LNPEP: variants seen among roughly 807,000 people sequenced by gnomAD.
LNPEP encodes the protein leucyl and cystinyl aminopeptidase, also known as leucyl-cystinyl aminopeptidase.
Under a neutral mutation model 120.6 loss-of-function variants are expected in LNPEP, and 64 were observed. The observed-to-expected ratio is 0.53, with a 90% CI of 0.43 to 0.65. LNPEP has a LOEUF of 0.65. Among genes scored for constraint, LNPEP ranks in the 30% least tolerant of loss-of-function variants. The probability of loss-of-function intolerance (pLI) is 0.00; values close to 1 mark genes in which losing one functional copy is unlikely to be tolerated. For missense variants in LNPEP, 1,057 were observed against 1,200.0 expected (o/e 0.88, Z 1.76); for synonymous variants, 435 against 425.4 (o/e 1.02, Z -0.28).
rs747620719 is a variant in LNPEP, at chr5:97,003,504, T to C, written c.1743T>C (p.Tyr581=). The change falls in exon 9 of 18, where the codon TAT becomes TAC. Residue 581 remains tyrosine (Y), a synonymous_variant. Transcript: ENST00000231368. ...TCCTTTACCTGCATAATCACAGCTA[T>C]GCATCTATTCAAAGTGATGATCTGT... The part of the protein sequence containing the change: ...AVVLYLHNHS[Y]ASIQSDDLWD... 6.8e-6 allele frequency: 11 copies of C among 1,608,864 alleles called. No individual in the cohort carries two copies. The highest frequency in any genetic ancestry group is 4.5e-5 in the East Asian group (2 of 44,774).
At chr5:96,938,984 CA>C (rs11342983) in intron 1 of LNPEP, among the ~76,000 whole-genome samples, 101,430 of 142,762 alleles carry the variant, frequency 0.71, 35,492 homozygotes, top group East Asian at 0.78. Context: ...TTGTATATTA[CA>C]AAAAAAAAAA....
intron 6 of LNPEP, among the ~76,000 whole-genome samples, chr5:96,995,146 G>A (rs186027401): frequency 3.8e-4 from 58 of 152,180 alleles, no homozygotes; most frequent in Non-Finnish European, 1.5e-5. Flanking sequence ...TCTTTTGGGG[G>A]ATCTCCTCTA....
chr5:97,008,755 C>T (rs1314894043), intron 11 of LNPEP, among the ~76,000 whole-genome samples: 1 of 151,006 alleles, frequency 6.6e-6, no homozygotes, highest in Admixed American at 6.6e-5. Flanking sequence ...AGCTCCGCCT[C>T]CCGGGTTCAC....
chr5:96,954,622 A>C (rs557074996), intron 1 of LNPEP, among the ~76,000 whole-genome samples: 7,533 of 76,392 alleles, frequency 0.099, 1,651 homozygotes, highest in Middle Eastern at 0.17. Flanking sequence ...CTCTCTCTAT[A>C]TATATATATA....
chr5:96,981,672 G>GA (rs1263940707), intron 2 of LNPEP, among the ~76,000 whole-genome samples: 1 of 152,128 alleles, frequency 6.6e-6, no homozygotes, highest in Non-Finnish European at 1.5e-5. Flanking sequence ...TTGTTGATTG[G>GA]AAAACCATTG....
At position 96,979,601 on chromosome 5, in the gene LNPEP, T is replaced by C; in HGVS notation, c.483T>C (p.Phe161=). 6.2e-7 allele frequency: 1 copy of C among 1,614,086 alleles called. No individual in the cohort carries two copies. The highest frequency in any genetic ancestry group is 2.2e-5 in the East Asian group (1 of 44,878). ...IQPFATNGKL[F]PWAQIRLPTA... The stretch of plus-strand genomic sequence containing the variant: ...CATTTGCAACAAATGGGAAATTGTT[T>C]CCATGGGCACAGATCAGGCTTCCCA... Residue 161 remains phenylalanine (F), a synonymous_variant, in exon 2 of 18, where the codon TTT becomes TTC. Coordinates refer to ENST00000231368, the MANE Select transcript of LNPEP (RefSeq NM_005575.3).
chr5:97,020,364 C>T (rs1467155240), intron 13 of LNPEP, among the ~76,000 whole-genome samples: 2 of 152,144 alleles, frequency 1.3e-5, no homozygotes, highest in African/African-American at 4.8e-5. Flanking sequence ...TACATGATTA[C>T]TTGAGATGAG....
Position 97,022,495 on chromosome 5 carries a change from C to A in LNPEP, c.2561+11C>A. 16 of 1,595,376 alleles carry A rather than the reference C, an allele frequency of 1.0e-5. No homozygotes were observed. The highest frequency in any genetic ancestry group is 1.3e-5 in the Non-Finnish European group (15 of 1,163,100). ...CAATGGAACTCAAAGGTGAAGTATA[C>A]CTCTACTCAGATGAATTATCTTCTT... On this transcript the variant is annotated intron_variant, in intron 14 of 17. Coordinates refer to ENST00000231368, the MANE Select transcript of LNPEP (RefSeq NM_005575.3).
chr5:96,946,901 T>G (rs560922266), intron 1 of LNPEP, among the ~76,000 whole-genome samples: 1 of 152,220 alleles, frequency 6.6e-6, no homozygotes, highest in African/African-American at 2.4e-5. Context: ...TCTGTATACA[T>G]TGAAGAGTTC....
Position 97,024,607 on chromosome 5 carries a change from C to G in LNPEP, c.2648C>G (p.Ser883Cys). 6.2e-7 allele frequency: 1 copy of G among 1,614,090 alleles called. No individual in the cohort carries two copies. The highest frequency in any genetic ancestry group is 8.5e-7 in the Non-Finnish European group (1 of 1,179,942). ...TCATTCCTTTTGGGCAAATACATTT[C>G]TATAGGCTCTGAAGCAGAGAAGAAC... ...GWSFLLGKYI[S>C]IGSEAEKNKI... The change falls in exon 15 of 18, where the codon TCT becomes TGT. Residue 883 changes from serine to cysteine, a missense_variant. Coordinates refer to ENST00000231368, the MANE Select transcript of LNPEP (RefSeq NM_005575.3).
chr5:97,005,984 G>T, intron 9 of LNPEP, 89 bp from the exon 10 acceptor site: 1 of 302,950 alleles, frequency 3.3e-6, no homozygotes, highest in Non-Finnish European at 5.8e-6. Context: ...AAAGAGGGAA[G>T]GGTACAGATA....
chr5:96,990,724 C>A (rs1170764130), intron 4 of LNPEP, among the ~76,000 whole-genome samples: 1 of 152,074 alleles, frequency 6.6e-6, no homozygotes, highest in African/African-American at 2.4e-5. Context: ...AGATTTGAAC[C>A]CCAGCACTGT....
At chr5:96,982,136 A>G (rs1222311786) in intron 2 of LNPEP, among the ~76,000 whole-genome samples, 1 of 152,132 alleles carries the variant, frequency 6.6e-6, no homozygotes, top group Non-Finnish European at 1.5e-5. Flanking sequence ...AAAGTAACTT[A>G]TCCAGCATCT....
chr5:96,981,957 C>T (rs1209379080), intron 2 of LNPEP, among the ~76,000 whole-genome samples: 1 of 152,072 alleles, frequency 6.6e-6, no homozygotes, highest in Non-Finnish European at 1.5e-5. Context: ...TAGTTCTCAC[C>T]TGCCATGGTG....
chr5:96,941,639 A>G (rs570886693), intron 1 of LNPEP, among the ~76,000 whole-genome samples: 1 of 152,230 alleles, frequency 6.6e-6, no homozygotes, highest in South Asian at 2.1e-4. Context: ...TGGCCGTTAT[A>G]GAGAGTGTTG....
chr5:97,026,526 A>T, intron 15 of LNPEP, 91 bp from the exon 16 acceptor site: 1 of 1,002,044 alleles, frequency 1.0e-6, no homozygotes, highest in Non-Finnish European at 1.5e-6. Context: ...ACACAGCTTT[A>T]ATTAGGAAAC....
intron 11 of LNPEP, chr5:97,011,385 A>C (rs1370248242): frequency 6.2e-6 from 1 of 160,830 alleles, no homozygotes; most frequent in African/African-American, 2.4e-5. Context: ...GACATGTGTC[A>C]CCATGCGGGC....
intron 4 of LNPEP, among the ~76,000 whole-genome samples, chr5:96,991,315 C>G (rs1054144070): frequency 7.2e-5 from 11 of 152,094 alleles, no homozygotes; most frequent in African/African-American, 2.4e-4. Context: ...ACTCATTGAT[C>G]AATCCCAGTA....
intron 2 of LNPEP, among the ~76,000 whole-genome samples, chr5:96,983,296 T>C (rs1790168723): frequency 7.4e-6 from 1 of 134,618 alleles, no homozygotes; most frequent in Non-Finnish European, 1.7e-5. Context: ...GTACCTGAAA[T>C]ATGCACACCA....
Sources: allele counts gnomAD v4.1 joint callset (sites outside exome capture counted in the v4.1 genomes callset), GRCh38; gene constraint gnomAD v4.1.1; transcripts MANE v1.5; gene names NCBI Gene and HGNC (gene_info 2026-07-23, HGNC 2026-07-21).